The following SNTG1 variants were observed in gnomAD, a reference collection of about 807,000 sequenced individuals.
SNTG1 encodes gamma-1-syntrophin.
In SNTG1, 39 loss-of-function variants were observed where a neutral mutation model predicts 74.7. The ratio of observed to expected loss-of-function variants is 0.52; its 90% confidence interval spans 0.40 to 0.68. The LOEUF (loss-of-function observed/expected upper bound fraction) is 0.68, where lower values mean the gene tolerates loss of function less well. Among genes scored for constraint, SNTG1 ranks in the 30% least tolerant of loss-of-function variants. The probability of loss-of-function intolerance (pLI) is 0.00; values close to 1 mark genes in which losing one functional copy is unlikely to be tolerated. For missense variants in SNTG1, 685 were observed against 609.5 expected (o/e 1.12, Z -1.30); for synonymous variants, 254 against 217.1 (o/e 1.17, Z -1.49).
At chr8:50,092,309 C>A (rs1301979584) in intron 1 of SNTG1, among the ~76,000 whole-genome samples, 2 of 152,234 alleles carry the variant, frequency 1.3e-5, no homozygotes, top group Non-Finnish European at 2.9e-5. Flanking sequence ...CTAAATACAT[C>A]AGATTTGGGA....
At chr8:50,081,249 T>C (rs1222812013) in intron 1 of SNTG1, among the ~76,000 whole-genome samples, 1 of 144,792 alleles carries the variant, frequency 6.9e-6, no homozygotes, top group African/African-American at 2.6e-5. Flanking sequence ...TTGACAAATA[T>C]TTTCTGCCAT....
intron 8 of SNTG1, among the ~76,000 whole-genome samples, chr8:50,490,043 A>G (rs565766196): frequency 1.3e-5 from 2 of 152,068 alleles, no homozygotes; most frequent in African/African-American, 4.8e-5. Flanking sequence ...TCCTCATTTG[A>G]TTGTTTTTGT....
At chr8:50,524,841 A>G (rs780289066) in intron 9 of SNTG1, among the ~76,000 whole-genome samples, 26 of 152,110 alleles carry the variant, frequency 1.7e-4, no homozygotes, top group Non-Finnish European at 2.8e-4. Flanking sequence ...CCTGGAATCA[A>G]TCTCCCATGG....
chr8:50,543,264 G>A (rs1296526788), intron 11 of SNTG1, among the ~76,000 whole-genome samples: 1 of 152,062 alleles, frequency 6.6e-6, no homozygotes, highest in African/African-American at 2.4e-5. Flanking sequence ...GTATGGTGAG[G>A]GATAGGGCTC....
intron 1 of SNTG1, among the ~76,000 whole-genome samples, chr8:50,055,400 ATT>A (rs1337585970): frequency 6.6e-6 from 1 of 152,154 alleles, no homozygotes; most frequent in Non-Finnish European, 1.5e-5. Flanking sequence ...AAGAAATATG[ATT>A]TGAAAGGTGT....
intron 15 of SNTG1, among the ~76,000 whole-genome samples, chr8:50,661,052 T>C (rs899934180): frequency 6.6e-6 from 1 of 152,204 alleles, no homozygotes; most frequent in African/African-American, 2.4e-5. Flanking sequence ...ATCAGGCATA[T>C]CACAACAATC....
At chr8:50,484,889 G>T (rs1010373408) in intron 8 of SNTG1, among the ~76,000 whole-genome samples, 18 of 151,732 alleles carry the variant, frequency 1.2e-4, no homozygotes, top group Non-Finnish European at 2.9e-5. Context: ...AAAAGAAAAA[G>T]AAAGAAATAT....
chr8:50,470,653 C>T (rs144801589), intron 8 of SNTG1, among the ~76,000 whole-genome samples: 7 of 152,182 alleles, frequency 4.6e-5, no homozygotes, highest in African/African-American at 1.2e-4. Flanking sequence ...GTGGTGCGTC[C>T]GGAGTTGTTC....
intron 2 of SNTG1, among the ~76,000 whole-genome samples, chr8:50,249,020 T>C (rs372152108): frequency 1.1e-4 from 16 of 152,146 alleles, no homozygotes; most frequent in East Asian, 7.7e-4. Flanking sequence ...TAACACCATA[T>C]AGAGTGGAGC....
intron 9 of SNTG1, among the ~76,000 whole-genome samples, chr8:50,514,277 GT>G (rs1396940402): frequency 2.8e-4 from 43 of 151,746 alleles, no homozygotes; most frequent in African/African-American, 1.0e-3. Context: ...TCTTTTTCTA[GT>G]TTTTGAATGG....
chr8:50,298,698 C>T (rs185665575), intron 2 of SNTG1, among the ~76,000 whole-genome samples: 209 of 152,154 alleles, frequency 1.4e-3, no homozygotes, highest in African/African-American at 4.8e-3. Context: ...ATCAGAGAAA[C>T]AGAACAAATG....
intron 15 of SNTG1, among the ~76,000 whole-genome samples, chr8:50,694,526 C>T (rs1490444219): frequency 1.1e-4 from 17 of 152,046 alleles, no homozygotes; most frequent in Admixed American, 1.1e-3. Context: ...GAACTGATGC[C>T]AATTTTCTAC....
chr8:50,381,460 T>C (rs2092477630), intron 2 of SNTG1, among the ~76,000 whole-genome samples: 1 of 150,772 alleles, frequency 6.6e-6, no homozygotes, highest in South Asian at 2.1e-4. Context: ...ATAAGTTTTG[T>C]TGTTGGAAAA....
At chr8:50,162,413 T>G (rs1171348447) in intron 1 of SNTG1, among the ~76,000 whole-genome samples, 1 of 151,570 alleles carries the variant, frequency 6.6e-6, no homozygotes, top group African/African-American at 2.4e-5. Context: ...ATACAAAAAA[T>G]TAGCCGGACG....
chr8:50,590,048 G>C (rs1253394129), intron 12 of SNTG1, among the ~76,000 whole-genome samples: 1 of 152,010 alleles, frequency 6.6e-6, no homozygotes, highest in African/African-American at 2.4e-5. Flanking sequence ...TACTTTTTCT[G>C]TTTAAATGAA....
chr8:49,965,274 A>G (rs1285941462), intron 1 of SNTG1, among the ~76,000 whole-genome samples: 2 of 152,174 alleles, frequency 1.3e-5, no homozygotes, highest in Non-Finnish European at 2.9e-5. Context: ...AATCTAGTAC[A>G]GAAGGAGGCA....
intron 2 of SNTG1, among the ~76,000 whole-genome samples, chr8:50,280,892 G>A (rs894452411): frequency 6.7e-6 from 1 of 150,208 alleles, no homozygotes; most frequent in Non-Finnish European, 1.5e-5. Flanking sequence ...GGTGGCTCAC[G>A]CCTGTAATCC....
At chr8:50,620,761 C>T (rs1246351129) in intron 13 of SNTG1, among the ~76,000 whole-genome samples, 3 of 152,088 alleles carry the variant, frequency 2.0e-5, no homozygotes, top group Non-Finnish European at 4.4e-5. Flanking sequence ...AAATAAAAGT[C>T]TCACTCAAGG....
At chr8:50,729,948 C>T (rs2095508994) in intron 17 of SNTG1, among the ~76,000 whole-genome samples, 1 of 152,124 alleles carries the variant, frequency 6.6e-6, no homozygotes, top group Non-Finnish European at 1.5e-5. Flanking sequence ...GTACCCCGAG[C>T]AGCTGGGAGA....
Sources: allele counts gnomAD v4.1 joint callset (sites outside exome capture counted in the v4.1 genomes callset), GRCh38; gene constraint gnomAD v4.1.1; transcripts MANE v1.5; gene names NCBI Gene and HGNC (gene_info 2026-07-23, HGNC 2026-07-21).